VPS13C: variants seen among roughly 807,000 people sequenced by gnomAD.
VPS13C encodes vacuolar protein sorting 13 homolog C.
Under a neutral mutation model 456.8 loss-of-function variants are expected in VPS13C, and 358 were observed. The ratio of observed to expected loss-of-function variants is 0.78; its 90% CI spans 0.72 to 0.86. The LOEUF is 0.86. VPS13C is among the 40% of genes least tolerant of loss of function. The pLI, the probability that VPS13C is intolerant of heterozygous loss-of-function variation, is 0.00. For synonymous variants in VPS13C, 1,578 were observed against 1,486.7 expected (o/e 1.06, Z -1.41); for missense variants, 4,818 against 4,385.4 (o/e 1.10, Z -2.79).
chr15:61,887,842 A>G (rs1215969342), intron 67 of VPS13C, among the ~76,000 whole-genome samples: 1 of 152,186 alleles, frequency 6.6e-6, no homozygotes, highest in African/African-American at 2.4e-5. Flanking sequence ...CCATGAAGGA[A>G]GAGAATTGAT....
Position 62,028,218 on chromosome 15 carries a change from G to C in VPS13C, c.448+140C>G, listed in dbSNP as rs138429473. On this transcript the variant is annotated intron_variant, in intron 6 of 84. Coordinates refer to ENST00000644861, the MANE Select transcript of VPS13C (RefSeq NM_020821.3). The stretch of plus-strand genomic sequence containing the variant: ...CGACTACAGGTAAGGAAAAGGAAAT[G>C]ATGGTAGAGGGGGAAAACAAAAATT... The C allele has an allele frequency of 3.6e-3, 2,658 of 745,970 alleles. 58 individuals are homozygous for C. The African/African-American group carries it at 0.041, about 12-fold the overall frequency. 46.2% of individuals were successfully genotyped at this position (745,970 alleles called of 1,614,324 possible).
In VPS13C at chr15:61,881,612, C is replaced by A. The variant is rs748774655; in HGVS notation, c.9727G>T (p.Val3243Leu). 1.2e-6 allele frequency: 2 copies of A among 1,612,668 alleles called. No individual in the cohort carries two copies. Among genetic ancestry groups the A allele is most frequent in the South Asian group, 1.1e-5 (1 of 90,928 alleles). ...TCATTAAATCTTGTGATGACACTCA[C>A]ATCAATGAAAGGCTTGGGCTCTAAG... ...LDSEPKPFID[V>L]SVITRFNEYS... Residue 3243 changes from valine to leucine, a missense_variant, in exon 71 of 85, where the codon GTG becomes TTG. This residue lies in a region of VPS13C where 4,552 missense variants were observed against 4,130.6 expected (regional missense o/e 1.10). Transcript: ENST00000644861.
intron 18 of VPS13C, among the ~76,000 whole-genome samples, chr15:61,985,341 C>T (rs560067171): frequency 2.6e-4 from 39 of 152,262 alleles, no homozygotes; most frequent in African/African-American, 9.1e-4. Context: ...ACTGCAACCT[C>T]CACCTCCTGG....
Position 61,963,870 on chromosome 15 carries a change from T to G in VPS13C, c.3296A>C (p.Asn1099Thr). 6.2e-7 allele frequency: 1 copy of G among 1,612,328 alleles called. No homozygotes were observed. Among genetic ancestry groups the G allele is most frequent in the Non-Finnish European group, 8.5e-7 (1 of 1,178,854 alleles). The part of the protein sequence containing the change: ...KLNAFCVIVC[N>T]EKNNIAEIKI... Reference sequence around the variant, plus strand: ...GATTTCGGCGATATTGTTCTTTTCGTTGCAAACAATGACACAGAAAGCATT... The same window carrying G: ...GATTTCGGCGATATTGTTCTTTTCGGTGCAAACAATGACACAGAAAGCATT... The change falls in exon 32 of 85, where the codon AAC (asparagine) becomes ACC (threonine). Residue 1099 changes from asparagine to threonine, a missense_variant. This residue lies in a region of VPS13C where 4,552 missense variants were observed against 4,130.6 expected (regional missense o/e 1.10). Transcript: ENST00000644861.
chr15:62,023,596 C>T, intron 7 of VPS13C, 76 bp from the exon 8 acceptor site: 1 of 1,196,316 alleles, frequency 8.4e-7, no homozygotes, highest in Non-Finnish European at 1.2e-6. Context: ...CAAAGGATAG[C>T]TAAGGTACTA....
At chr15:61,931,728 C>G (rs562554974) in intron 49 of VPS13C, among the ~76,000 whole-genome samples, 296 of 152,010 alleles carry the variant, frequency 1.9e-3, no homozygotes, top group African/African-American at 6.8e-3. Context: ...AGGCGCCCAC[C>G]ACCATGCCCG....
chr15:61,902,585 A>C (rs1294680848), intron 66 of VPS13C, among the ~76,000 whole-genome samples: 1 of 149,322 alleles, frequency 6.7e-6, no homozygotes, highest in African/African-American at 2.6e-5. Flanking sequence ...AATAGAATCA[A>C]GGACAAAAAC....
At chr15:61,869,116 CTT>C (rs68084709) in intron 80 of VPS13C, among the ~76,000 whole-genome samples, 202 of 131,298 alleles carry the variant, frequency 1.5e-3, no homozygotes, top group South Asian at 8.0e-3. Context: ...TTTCTTTTTT[CTT>C]TTTTTTTTTT....
chr15:62,034,174 A>G (rs1170964346), intron 4 of VPS13C, among the ~76,000 whole-genome samples: 1 of 151,666 alleles, frequency 6.6e-6, no homozygotes, highest in Non-Finnish European at 1.5e-5. Flanking sequence ...ACAATAGAAT[A>G]CCATACAGCC....
At chr15:62,019,062 A>G (rs1485926505) in intron 9 of VPS13C, among the ~76,000 whole-genome samples, 1 of 152,114 alleles carries the variant, frequency 6.6e-6, no homozygotes, top group Non-Finnish European at 1.5e-5. Flanking sequence ...TAGATTTTCT[A>G]GTTTATTTGC....
In VPS13C at chr15:61,973,546, CAA is replaced by C; in HGVS notation, c.2539-16_2539-15del. 1.2e-6 allele frequency: 2 copies of C among 1,604,052 alleles called. No individual in the cohort carries two copies. The highest frequency in any genetic ancestry group is 1.7e-6 in the Non-Finnish European group (2 of 1,172,168). On this transcript the variant is annotated splice_polypyrimidine_tract_variant and intron_variant, in intron 25 of 84. Transcript: ENST00000644861. ...AATTGAGGATACCTAGCAAAGAATA[CAA>C]AAAGTTTTCTTAAAAAGGATGACTT...
chr15:62,000,146 G>C (rs1046686398), intron 16 of VPS13C, among the ~76,000 whole-genome samples: 9 of 152,100 alleles, frequency 5.9e-5, no homozygotes, highest in Non-Finnish European at 1.2e-4. Context: ...TGGATCACCT[G>C]AGGTCAGGAA....
intron 66 of VPS13C, among the ~76,000 whole-genome samples, chr15:61,899,308 T>C (rs1210812901): frequency 1.6e-5 from 2 of 128,790 alleles, no homozygotes; most frequent in Non-Finnish European, 3.3e-5. Context: ...AATTAATGAA[T>C]CCAGGAGCTG....
At chr15:61,909,536 A>G (rs2043242061) in intron 64 of VPS13C, among the ~76,000 whole-genome samples, 1 of 152,184 alleles carries the variant, frequency 6.6e-6, no homozygotes, top group Non-Finnish European at 1.5e-5. Flanking sequence ...TAAAAAGCAA[A>G]CTGGCTCTGA....
chr15:61,934,855 A>ATTC (rs1245555378), intron 48 of VPS13C, among the ~76,000 whole-genome samples: 1 of 152,066 alleles, frequency 6.6e-6, no homozygotes, highest in African/African-American at 2.4e-5. Context: ...GGTTCATGCC[A>ATTC]TTCTCCTGCC....
chr15:62,041,379 G>A lies in VPS13C; in HGVS notation c.145-13C>T. 6.3e-7 allele frequency: 1 copy of A among 1,598,588 alleles called. No homozygotes were observed. Among genetic ancestry groups the A allele is most frequent in the Non-Finnish European group, 8.5e-7 (1 of 1,176,230 alleles). On this transcript the variant is annotated splice_polypyrimidine_tract_variant and intron_variant, in intron 2 of 84. Coordinates refer to ENST00000644861, the MANE Select transcript of VPS13C (RefSeq NM_020821.3). Reference sequence around the variant, plus strand: ...CATCCAATTCACTCTTCAGAAGAAAGAGAAAATGTAAAGGACATCTTAAAT... The same window carrying A: ...CATCCAATTCACTCTTCAGAAGAAAAAGAAAATGTAAAGGACATCTTAAAT...
intron 18 of VPS13C, among the ~76,000 whole-genome samples, chr15:61,988,417 A>G (rs1227845682): frequency 6.6e-6 from 1 of 152,230 alleles, no homozygotes; most frequent in Non-Finnish European, 1.5e-5. Flanking sequence ...TTCTACAGAT[A>G]AAATTATAAA....
At chr15:62,015,946 TAAAA>T (rs1446440971) in intron 9 of VPS13C, among the ~76,000 whole-genome samples, 1 of 14,952 alleles carries the variant, frequency 6.7e-5, no homozygotes, top group African/African-American at 1.8e-4. Flanking sequence ...AAATAAAAAA[TAAAA>T]AAAGAAGTCC....
At chr15:62,046,625 T>C (rs1025484251) in intron 1 of VPS13C, among the ~76,000 whole-genome samples, 3 of 152,216 alleles carry the variant, frequency 2.0e-5, no homozygotes, top group African/African-American at 4.8e-5. Flanking sequence ...TCATTCCCAA[T>C]TGGTGGGCCA....
Sources: gnomAD v4.1 joint callset for allele counts (sites outside exome capture counted in the v4.1 genomes callset) on GRCh38, gnomAD v4.1.1 for gene constraint, gnomAD v4.1.1 regional missense constraint, MANE v1.5 for transcripts, NCBI Gene and HGNC (gene_info 2026-07-23, HGNC 2026-07-21) for gene names.